The following HS3ST4 variants were observed in gnomAD, a reference collection of about 807,000 sequenced individuals.
HS3ST4 encodes the protein heparan sulfate glucosamine 3-O-sulfotransferase 4.
HS3ST4 carries 17 observed loss-of-function variants against 29.2 expected under a neutral mutation model. That is an observed-to-expected ratio of 0.58 (90% CI 0.40 to 0.87). The LOEUF is 0.87. Among genes scored for constraint, HS3ST4 ranks in the 40% least tolerant of loss-of-function variants. HS3ST4 has a pLI of 0.00. For missense variants in HS3ST4, 627 were observed against 634.5 expected (o/e 0.99, Z 0.13); for synonymous variants, 314 against 285.7 (o/e 1.10, Z -1.00).
intron 1 of HS3ST4, among the ~76,000 whole-genome samples, chr16:25,984,089 C>A (rs2141724142): frequency 6.6e-6 from 1 of 152,236 alleles, no homozygotes; most frequent in Admixed American, 6.5e-5. Context: ...TCAGGGTCCT[C>A]CTTGTAGCTA....
intron 1 of HS3ST4, among the ~76,000 whole-genome samples, chr16:25,894,034 G>A (rs1968036182): frequency 6.6e-6 from 1 of 152,304 alleles, no homozygotes; most frequent in East Asian, 1.9e-4. Flanking sequence ...TGTCAGGTGA[G>A]CCCAAATATT....
intron 1 of HS3ST4, among the ~76,000 whole-genome samples, chr16:25,909,478 A>G (rs1039532631): frequency 2.0e-5 from 3 of 152,124 alleles, no homozygotes; most frequent in Non-Finnish European, 2.9e-5. Flanking sequence ...TGCCCCGATG[A>G]GATTCTGCAT....
intron 1 of HS3ST4, among the ~76,000 whole-genome samples, chr16:25,842,015 C>G (rs770764130): frequency 2.6e-5 from 4 of 152,322 alleles, no homozygotes; most frequent in Non-Finnish European, 5.9e-5. Context: ...GGGCTGAGCC[C>G]AGCCCTACCA....
chr16:25,815,913 C>A (rs926963876), intron 1 of HS3ST4, among the ~76,000 whole-genome samples: 2 of 152,134 alleles, frequency 1.3e-5, no homozygotes, highest in Non-Finnish European at 2.9e-5. Flanking sequence ...GGCCCAATGT[C>A]CCTTTTTTAT....
chr16:25,958,855 G>A (rs1487199331), intron 1 of HS3ST4, among the ~76,000 whole-genome samples: 2 of 152,138 alleles, frequency 1.3e-5, no homozygotes, highest in East Asian at 3.9e-4. Flanking sequence ...CTTACAAGGT[G>A]GCCGACTTCC....
intron 1 of HS3ST4, among the ~76,000 whole-genome samples, chr16:26,002,764 A>C (rs1969223122): frequency 6.6e-6 from 1 of 151,578 alleles, no homozygotes; most frequent in Non-Finnish European, 1.5e-5. Flanking sequence ...AAAGAAAGAG[A>C]GAGAAAAAGA....
At chr16:25,711,545 GAC>G (rs1966415369) in intron 1 of HS3ST4, among the ~76,000 whole-genome samples, 1 of 152,122 alleles carries the variant, frequency 6.6e-6, no homozygotes, top group Non-Finnish European at 1.5e-5. Context: ...TTTGCTCAGT[GAC>G]ACAGTGACAT....
At chr16:26,106,130 C>T (rs1281085409) in intron 1 of HS3ST4, among the ~76,000 whole-genome samples, 1 of 152,178 alleles carries the variant, frequency 6.6e-6, no homozygotes, top group Non-Finnish European at 1.5e-5. Flanking sequence ...TTCCCAATTT[C>T]CTACCTCTTC....
chr16:25,781,864 C>T (rs1966852926), intron 1 of HS3ST4, among the ~76,000 whole-genome samples: 1 of 152,184 alleles, frequency 6.6e-6, no homozygotes, highest in Admixed American at 6.5e-5. Context: ...TAGTCATCTT[C>T]ATTGAGTGTT....
chr16:26,060,335 A>C (rs1898460395), intron 1 of HS3ST4, among the ~76,000 whole-genome samples: 1 of 152,178 alleles, frequency 6.6e-6, no homozygotes, highest in Non-Finnish European at 1.5e-5. Context: ...AAGAACAGTA[A>C]GGATACATTA....
chr16:25,789,897 G>A (rs1231063284), intron 1 of HS3ST4, among the ~76,000 whole-genome samples: 2 of 152,198 alleles, frequency 1.3e-5, no homozygotes, highest in Non-Finnish European at 2.9e-5. Context: ...CAGTTGTAGT[G>A]TGTTCTTTTT....
chr16:26,074,668 T>A (rs1353326716), intron 1 of HS3ST4, among the ~76,000 whole-genome samples: 2 of 152,214 alleles, frequency 1.3e-5, no homozygotes, highest in African/African-American at 4.8e-5. Context: ...TACACATTTT[T>A]TTTTTATGTT....
intron 1 of HS3ST4, among the ~76,000 whole-genome samples, chr16:25,792,785 T>A (rs1014500269): frequency 6.6e-6 from 1 of 151,822 alleles, no homozygotes; most frequent in Non-Finnish European, 1.5e-5. Context: ...CTTCTTTGAT[T>A]TTCCTTGTTT....
Position 25,795,316 on chromosome 16 carries a change from A to G in HS3ST4, c.734+102165A>G, listed in dbSNP as rs1295449219. Among the ~76,000 whole-genome samples, 7 of 151,106 alleles carry G rather than the reference A, an allele frequency of 4.6e-5. No homozygotes were observed. The East Asian group carries it at 1.2e-3, about 25-fold the overall frequency. ...TCTTTTCTCTTTTTTTTTACTTTTT[A>G]TGCTTTAGTCTGAGCCTTTCTACCC... On this transcript the variant is annotated intron_variant, in intron 1 of 1. Coordinates refer to ENST00000331351, the MANE Select transcript of HS3ST4 (RefSeq NM_006040.3).
intron 1 of HS3ST4, among the ~76,000 whole-genome samples, chr16:25,800,228 G>A (rs1174682069): frequency 1.3e-5 from 2 of 151,920 alleles, no homozygotes; most frequent in Non-Finnish European, 2.9e-5. Flanking sequence ...TTTAATGTAA[G>A]TTTCTTTTAA....
At chr16:26,102,265 T>G (rs1898999251) in intron 1 of HS3ST4, among the ~76,000 whole-genome samples, 1 of 152,080 alleles carries the variant, frequency 6.6e-6, no homozygotes, top group Non-Finnish European at 1.5e-5. Context: ...GATTTTTTTT[T>G]TTTCTTATCA....
rs1352815374 is a variant in HS3ST4 at position 25,788,406 on chromosome 16, A to T, written c.734+95255A>T. On this transcript the variant is annotated intron_variant, in intron 1 of 1. Coordinates refer to ENST00000331351, the MANE Select transcript of HS3ST4 (RefSeq NM_006040.3). Reference sequence around the variant, plus strand: ...CTCCAGCCTGGGCAACAAGAGTGAAATTCTGTCTCAAAAAAAAAAAAATGC... The same window carrying T: ...CTCCAGCCTGGGCAACAAGAGTGAATTTCTGTCTCAAAAAAAAAAAAATGC... Among the ~76,000 whole-genome samples, 3 of 100,290 alleles carry T rather than the reference A, an allele frequency of 3.0e-5. No homozygotes were observed. In the Admixed American group the frequency reaches 3.1e-4, roughly 10 times the overall value. 65.8% of individuals were successfully genotyped at this position (100,290 alleles called of 152,430 possible).
At chr16:25,746,997 C>T (rs916001489) in intron 1 of HS3ST4, among the ~76,000 whole-genome samples, 1 of 152,154 alleles carries the variant, frequency 6.6e-6, no homozygotes, top group Non-Finnish European at 1.5e-5. Flanking sequence ...CACAGGTGTG[C>T]ACCATCACAC....
chr16:26,010,458 A>AT (rs1328435834), intron 1 of HS3ST4, among the ~76,000 whole-genome samples: 11 of 151,420 alleles, frequency 7.3e-5, no homozygotes, highest in African/African-American at 2.7e-4. Context: ...CATCTCAAAA[A>AT]AAGAAAAAAA....
Sources: gnomAD v4.1 joint callset for allele counts (sites outside exome capture counted in the v4.1 genomes callset) on GRCh38, gnomAD v4.1.1 for gene constraint, MANE v1.5 for transcripts, NCBI Gene and HGNC (gene_info 2026-07-23, HGNC 2026-07-21) for gene names.